The following TRIM2 variants were observed in gnomAD, a reference collection of about 807,000 sequenced individuals.
TRIM2 encodes tripartite motif containing 2.
A neutral mutation model predicts 75.2 loss-of-function variants in TRIM2; 20 were observed. The ratio of observed to expected loss-of-function variants is 0.27; its 90% confidence interval spans 0.19 to 0.39. The LOEUF (loss-of-function observed/expected upper bound fraction) is 0.39, where lower values mean the gene tolerates loss of function less well. TRIM2 is among the 10% of genes least tolerant of loss of function. The probability of loss-of-function intolerance (pLI) is 1.00; values close to 1 mark genes in which losing one functional copy is unlikely to be tolerated. For synonymous variants in TRIM2, 373 were observed against 388.3 expected, an observed-to-expected ratio of 0.96 and a Z score of 0.46; for missense variants, 660 against 990.8, an observed-to-expected ratio of 0.67 and a Z score of 4.48.
chr4:153,232,167 A>G (rs1454217353), intron 1 of TRIM2, among the ~76,000 whole-genome samples: 1 of 152,206 alleles, frequency 6.6e-6, no homozygotes, highest in African/African-American at 2.4e-5. Flanking sequence ...AGACATCAAT[A>G]TATCTTTTTG....
chr4:153,186,837 C>A (rs1429170112), intron 1 of TRIM2, among the ~76,000 whole-genome samples: 4 of 152,182 alleles, frequency 2.6e-5, no homozygotes, highest in African/African-American at 9.7e-5. Flanking sequence ...AAAAAACAAG[C>A]TCTACCTGTG....
intron 3 of TRIM2, 21 bp downstream of exon 3, chr4:153,276,151 A>T (rs952443650): frequency 6.2e-7 from 1 of 1,600,638 alleles, no homozygotes; most frequent in African/African-American, 1.3e-5. Context: ...GGGATGGCAG[A>T]TACTGCCCGG....
At chr4:153,274,903 G>C (rs530528444) in intron 2 of TRIM2, among the ~76,000 whole-genome samples, 2 of 152,336 alleles carry the variant, frequency 1.3e-5, no homozygotes, top group Admixed American at 6.5e-5. Flanking sequence ...TTCAGGGCTA[G>C]CTACCTCTGT....
At chr4:153,239,205 A>T (rs1745821175) in intron 1 of TRIM2, among the ~76,000 whole-genome samples, 1 of 152,142 alleles carries the variant, frequency 6.6e-6, no homozygotes, top group Admixed American at 6.5e-5. Context: ...ACAAAAAATT[A>T]GCCAGGCGTC....
intron 6 of TRIM2, among the ~76,000 whole-genome samples, chr4:153,314,365 A>G (rs1325429276): frequency 7.4e-6 from 1 of 134,300 alleles, no homozygotes; most frequent in Non-Finnish European, 1.5e-5. Context: ...GCTTGCAGTG[A>G]GCCGAGATCC....
At position 153,335,550 on chromosome 4, in the gene TRIM2, A is replaced by C; in HGVS notation, c.*584A>C. ...TGATTAGCAGCCCTCTGGAGTTCAG[A>C]ACTTAAGTATCAGTGCAAATTTCTC... is the stretch of plus-strand genomic sequence containing the variant. On this transcript the variant is annotated 3_prime_UTR_variant, in exon 12 of 12. Coordinates refer to ENST00000338700, the MANE Select transcript of TRIM2 (RefSeq NM_015271.5). The C allele has an allele frequency of 1.0e-6, 1 of 985,340 alleles. No individual in the cohort carries two copies. The allele number at this position is 985,340 out of a possible 1,614,324, so 61.0% of individuals were successfully genotyped here. A position where few individuals can be genotyped will look rare whatever the true frequency, so the allele number is the denominator to read the frequency against.
intron 1 of TRIM2, among the ~76,000 whole-genome samples, chr4:153,194,032 C>A (rs1045082501): frequency 2.0e-5 from 3 of 152,200 alleles, no homozygotes; most frequent in Admixed American, 1.3e-4. Flanking sequence ...CACTGATGGC[C>A]CCCAGGGACC....
chr4:153,327,855 T>C (rs1420290103), intron 10 of TRIM2, among the ~76,000 whole-genome samples: 1 of 152,128 alleles, frequency 6.6e-6, no homozygotes, highest in Non-Finnish European at 1.5e-5. Context: ...TAATAGAAAA[T>C]AGAGTAATAG....
intron 1 of TRIM2, among the ~76,000 whole-genome samples, chr4:153,228,855 A>G (rs1742858900): frequency 6.6e-6 from 1 of 152,162 alleles, no homozygotes; most frequent in African/African-American, 2.4e-5. Flanking sequence ...TCAAGTAGCA[A>G]TTAGCCTTTG....
At chr4:153,227,310 C>T (rs1742399056) in intron 1 of TRIM2, among the ~76,000 whole-genome samples, 1 of 152,208 alleles carries the variant, frequency 6.6e-6, no homozygotes, top group African/African-American at 2.4e-5. Context: ...CTCTCCTCAG[C>T]TACCAGACAA....
chr4:153,237,340 G>T (rs1475099219), intron 1 of TRIM2, among the ~76,000 whole-genome samples: 1 of 151,450 alleles, frequency 6.6e-6, no homozygotes, highest in Non-Finnish European at 1.5e-5. Flanking sequence ...TACCTTTAAT[G>T]CTATTGTTTA....
At chr4:153,311,995 T>A (rs1422292877) in intron 6 of TRIM2, among the ~76,000 whole-genome samples, 1 of 151,666 alleles carries the variant, frequency 6.6e-6, no homozygotes, top group Non-Finnish European at 1.5e-5. Context: ...TACATGTGCA[T>A]GCTGGTGCGC....
chr4:153,316,197 G>A (rs1288157603), intron 8 of TRIM2, among the ~76,000 whole-genome samples, 198 bp downstream of exon 8: 2 of 152,046 alleles, frequency 1.3e-5, no homozygotes, highest in Non-Finnish European at 2.9e-5. Context: ...TCCTAAATGT[G>A]GCTTTGTTTT....
chr4:153,155,993 T>C (rs996170775), intron 1 of TRIM2, among the ~76,000 whole-genome samples: 9 of 152,238 alleles, frequency 5.9e-5, no homozygotes, highest in African/African-American at 2.2e-4. Context: ...ATCTTCTGAT[T>C]TGCCAAGGGA....
At position 153,281,920 on chromosome 4, in the gene TRIM2, G is replaced by A. The variant is rs1028209902; in HGVS notation, c.453+5790G>A. Among the ~76,000 whole-genome samples the A allele has an allele frequency of 2.6e-5, 4 of 152,228 alleles. No homozygotes were observed. The South Asian group carries it at 6.2e-4, about 24-fold the overall frequency. On this transcript the variant is annotated intron_variant, in intron 3 of 11. Transcript: ENST00000338700. ...TATCAAGGGTGTCAAAGGTGCAAAG[G>A]AGAGGTCCTCATTAAGACTGCCCTG...
Position 153,335,966 on chromosome 4 carries a change from T to C in TRIM2, c.*1000T>C. 8 of 985,884 alleles carry C rather than the reference T, an allele frequency of 8.1e-6. No homozygotes were observed. Among genetic ancestry groups the C allele is most frequent in the Non-Finnish European group, 9.6e-6 (8 of 829,936 alleles). 61.1% of individuals were successfully genotyped at this position (985,884 alleles called of 1,614,324 possible). A position where few individuals can be genotyped will look rare whatever the true frequency, so the allele number is the denominator to read the frequency against. On this transcript the variant is annotated 3_prime_UTR_variant, in exon 12 of 12. Transcript: ENST00000338700. Reference sequence around the variant, plus strand: ...CAACCAAAGGCATGTGATTGATTAATGATTCCCCCTTAGAAAGCAAGTGTT... The same window carrying C: ...CAACCAAAGGCATGTGATTGATTAACGATTCCCCCTTAGAAAGCAAGTGTT...
intron 2 of TRIM2, among the ~76,000 whole-genome samples, chr4:153,273,677 T>G (rs935954174): frequency 6.6e-6 from 1 of 152,064 alleles, no homozygotes; most frequent in Non-Finnish European, 1.5e-5. Flanking sequence ...TGCTGGCCCC[T>G]TGGAACTCAC....
At chr4:153,270,895 A>G (rs1202338133) in intron 2 of TRIM2, among the ~76,000 whole-genome samples, 1 of 152,198 alleles carries the variant, frequency 6.6e-6, no homozygotes, top group Non-Finnish European at 1.5e-5. Context: ...CCATATAACA[A>G]ATCAGGTAAA....
intron 1 of TRIM2, among the ~76,000 whole-genome samples, chr4:153,262,794 C>T (rs967771119): frequency 1.4e-4 from 21 of 152,160 alleles, no homozygotes; most frequent in Non-Finnish European, 7.3e-5. Context: ...AAAGTTAGTT[C>T]GGCCTACATC....
Sources: allele counts gnomAD v4.1 joint callset (sites outside exome capture counted in the v4.1 genomes callset), GRCh38; gene constraint gnomAD v4.1.1; transcripts MANE v1.5; gene names NCBI Gene and HGNC (gene_info 2026-07-23, HGNC 2026-07-21).